PMF1: variants seen among roughly 807,000 people sequenced by gnomAD.
PMF1 encodes polyamine modulated factor 1.
PMF1 carries 21 observed loss-of-function variants against 26.7 expected under a neutral mutation model. The ratio of observed to expected loss-of-function variants is 0.79; its 90% CI spans 0.56 to 1.13. The LOEUF is 1.13. PMF1 is among the 50% of genes most tolerant of loss of function. The pLI is 0.00. For synonymous variants in PMF1, 105 were observed against 101.0 expected (o/e 1.04, Z -0.24); for missense variants, 266 against 254.9 (o/e 1.04, Z -0.30).
chr1:156,233,811 T>A (rs1397494460), intron 3 of PMF1, 83 bp downstream of exon 3: 6 of 1,372,732 alleles, frequency 4.4e-6, no homozygotes, highest in African/African-American at 1.5e-5. Flanking sequence ...AGTCAGGGTC[T>A]CACTATGTTG....
intron 1 of PMF1, among the ~76,000 whole-genome samples, chr1:156,219,855 T>G (rs1239686630): frequency 2.0e-5 from 3 of 152,166 alleles, no homozygotes; most frequent in Non-Finnish European, 4.4e-5. Flanking sequence ...GCTTAGGTGA[T>G]CCTTTCACCT....
rs1339850190 is a variant in PMF1, at chr1:156,232,401, A to G, written c.243A>G (p.Ile81Met). 2 of 1,613,932 alleles carry G rather than the reference A, an allele frequency of 1.2e-6. No individual in the cohort carries two copies. Among genetic ancestry groups the G allele is most frequent in the South Asian group, 2.2e-5 (2 of 91,082 alleles). ...CACAGCAAATCTATGACAAGTTTATAGCTCAGTTGCAGACATCTATCCGGG... is the reference window on the plus strand; with the variant it reads ...CACAGCAAATCTATGACAAGTTTATGGCTCAGTTGCAGACATCTATCCGGG... ...AMTQQIYDKF[I>M]AQLQTSIREE... Residue 81 changes from isoleucine to methionine, a missense_variant, in exon 2 of 5, where the codon ATA becomes ATG. Ile to Met is a conservative substitution (Grantham distance 10). Coordinates refer to ENST00000368277, the MANE Select transcript of PMF1 (RefSeq NM_007221.4).
At chr1:156,236,678 C>T in intron 4 of PMF1, 195 bp downstream of exon 4, 3 of 700,650 alleles carry the variant, frequency 4.3e-6, no homozygotes, top group Non-Finnish European at 6.9e-6. Flanking sequence ...GACAGTCTCC[C>T]CCAGATCCTC....
At chr1:156,221,789 T>A (rs1008366555) in intron 1 of PMF1, among the ~76,000 whole-genome samples, 3 of 152,186 alleles carry the variant, frequency 2.0e-5, no homozygotes, top group Non-Finnish European at 4.4e-5. Flanking sequence ...TTGAAGGAAT[T>A]ACCACTATCC....
At chr1:156,229,805 T>C (rs1167901486) in intron 1 of PMF1, among the ~76,000 whole-genome samples, 1 of 152,166 alleles carries the variant, frequency 6.6e-6, no homozygotes, top group East Asian at 1.9e-4. Context: ...ACTCCCAACG[T>C]CAGGTGATCC....
At chr1:156,236,067 G>C (rs1006412787) in intron 3 of PMF1, among the ~76,000 whole-genome samples, 3 of 152,190 alleles carry the variant, frequency 2.0e-5, no homozygotes, top group African/African-American at 7.2e-5. Context: ...AGTGAGAAGG[G>C]GGAGAGGTGG....
Position 156,213,072 on chromosome 1 carries a change from G to C in PMF1, c.57G>C (p.Glu19Asp). 1 of 1,614,234 alleles carries C rather than the reference G, an allele frequency of 6.2e-7. No homozygotes were observed. The highest frequency in any genetic ancestry group is 8.5e-7 in the Non-Finnish European group (1 of 1,180,020). ...GCGGCTGTGAGGAAAAAAGGCATGAGGGGTCGTCTTCGGAATCTGTGCCAC... is the reference window on the plus strand; with the variant it reads ...GCGGCTGTGAGGAAAAAAGGCATGACGGGTCGTCTTCGGAATCTGTGCCAC... ...LGSGCEEKRH[E>D]GSSSESVPPG... The change falls in exon 1 of 5, where the codon GAG becomes GAC. Residue 19 changes from glutamate to aspartate, a missense_variant. Physicochemically the swap from Glu to Asp is conservative, Grantham distance 45. Transcript: ENST00000368277.
chr1:156,217,257 A>G (rs1480928096), intron 1 of PMF1, among the ~76,000 whole-genome samples: 2 of 150,262 alleles, frequency 1.3e-5, no homozygotes, highest in African/African-American at 2.5e-5. Flanking sequence ...AAAAAAAAAA[A>G]AGGAATAGAG....
chr1:156,235,061 T>C (rs150713301), intron 3 of PMF1, among the ~76,000 whole-genome samples: 58 of 152,242 alleles, frequency 3.8e-4, no homozygotes, highest in African/African-American at 1.3e-3. Context: ...TAATTTCCAA[T>C]TTTTAAAAAT....
At chr1:156,213,211 T>G in intron 1 of PMF1, 35 bp downstream of exon 1, 1 of 1,603,054 alleles carries the variant, frequency 6.2e-7, no homozygotes, top group Non-Finnish European at 8.5e-7. Flanking sequence ...GAGTGTTTGT[T>G]GGCACCGAAG....
chr1:156,228,256 A>ATTTTTTTTTTTTTT lies in PMF1; in HGVS notation c.162-4045_162-4032dup, dbSNP rs772709878. On this transcript the variant is annotated intron_variant, in intron 1 of 4. Transcript: ENST00000368277. ...CAGGCGTGAGCCACCGCACCTGGCG[A>ATTTTTTTTTTTTTT]TTTTTTTTTTTTTTTTTTTTTTTTT... 8.9e-5 allele frequency among the ~76,000 whole-genome samples: 3 copies of ATTTTTTTTTTTTTT among 33,564 alleles called. 1 individual carries two copies. The highest frequency in any genetic ancestry group is 2.1e-4 in the African/African-American group (2 of 9,756). The allele number at this position is 33,564 out of a possible 152,430, so 22.0% of individuals were successfully genotyped here.
At chr1:156,233,795 TTC>T in intron 3 of PMF1, 67 bp downstream of exon 3, 2 of 1,465,474 alleles carry the variant, frequency 1.4e-6, no homozygotes, top group Non-Finnish European at 1.9e-6. Context: ...TTTTTTTTTT[TTC>T]TAGAGTCAGG....
At chr1:156,226,401 G>A (rs1320917205) in intron 1 of PMF1, among the ~76,000 whole-genome samples, 1 of 152,212 alleles carries the variant, frequency 6.6e-6, no homozygotes, top group Non-Finnish European at 1.5e-5. Context: ...TTTCTCTCTA[G>A]TGGGGACAAA....
chr1:156,227,543 C>T (rs990456590), intron 1 of PMF1, among the ~76,000 whole-genome samples: 2 of 149,832 alleles, frequency 1.3e-5, no homozygotes, highest in African/African-American at 2.5e-5. Flanking sequence ...GTCGCCCAGG[C>T]TAGAGTATAG....
intron 4 of PMF1, chr1:156,237,336 C>T (rs1168319861): frequency 6.6e-6 from 1 of 152,172 alleles, no homozygotes; most frequent in Non-Finnish European, 1.5e-5. Context: ...CATTAAACTA[C>T]CTCTCTTCAT....
chr1:156,226,623 G>T (rs1300308287), intron 1 of PMF1, among the ~76,000 whole-genome samples: 1 of 152,238 alleles, frequency 6.6e-6, no homozygotes, highest in Non-Finnish European at 1.5e-5. Flanking sequence ...ATTTCAATGT[G>T]CTGGGCACCG....
rs1658763064 is a variant in PMF1 at position 156,232,379 on chromosome 1, A to G, written c.221A>G (p.Gln74Arg). 3 of 1,613,950 alleles carry G rather than the reference A, an allele frequency of 1.9e-6. No homozygotes were observed. Among genetic ancestry groups the G allele is most frequent in the Non-Finnish European group, 2.5e-6 (3 of 1,179,930 alleles). ...CFYQLQPAMT[Q>R]QIYDKFIAQL... ...TACCAGTTGCAGCCTGCGATGACAC[A>G]GCAAATCTATGACAAGTTTATAGCT... The change falls in exon 2 of 5, where the codon CAG becomes CGG. Residue 74 changes from glutamine to arginine, a missense_variant. Physicochemically the swap from Gln to Arg is conservative, Grantham distance 43 (BLOSUM62 1). Coordinates refer to ENST00000368277, the MANE Select transcript of PMF1 (RefSeq NM_007221.4).
intron 1 of PMF1, among the ~76,000 whole-genome samples, chr1:156,226,504 A>G (rs1572491888): frequency 6.6e-6 from 1 of 152,322 alleles, no homozygotes; most frequent in East Asian, 1.9e-4. Context: ...TCCACCCGGG[A>G]GGAGACTTCC....
chr1:156,221,775 T>G (rs1366193125), intron 1 of PMF1, among the ~76,000 whole-genome samples: 1 of 152,212 alleles, frequency 6.6e-6, no homozygotes, highest in Non-Finnish European at 1.5e-5. Flanking sequence ...GATCCCTGAG[T>G]TGGTTGAAGG....
Sources: allele counts gnomAD v4.1 joint callset (sites outside exome capture counted in the v4.1 genomes callset), GRCh38; gene constraint gnomAD v4.1.1; transcripts MANE v1.5; gene names NCBI Gene and HGNC (gene_info 2026-07-23, HGNC 2026-07-21).